ABHD6: variants seen among roughly 807,000 people sequenced by gnomAD.
ABHD6 encodes abhydrolase domain containing 6, acylglycerol lipase.
In ABHD6, 33 loss-of-function variants were observed where a neutral mutation model predicts 38.8. The observed-to-expected ratio is 0.85, with a 90% CI of 0.64 to 1.14. ABHD6 has a LOEUF of 1.14. Ranked by LOEUF, ABHD6 falls within the 50% of genes most tolerant of loss-of-function variation. ABHD6 has a pLI of 0.00. For synonymous variants in ABHD6, 147 were observed against 161.6 expected (o/e 0.91, Z 0.69); for missense variants, 380 against 422.6 (o/e 0.90, Z 0.88).
Position 58,270,982 on chromosome 3 carries a change from C to T in ABHD6, c.441C>T (p.Thr147=). Residue 147 remains threonine, a synonymous_variant, in exon 6 of 10, where the codon ACC becomes ACT. Coordinates refer to ENST00000478253, the MANE Select transcript of ABHD6 (RefSeq NM_001320126.2). The part of the protein sequence containing the change: ...LNKKPFHLVG[T]SMGGQVAGVY... Reference sequence around the variant, plus strand: ...AAAAACCTTTCCACCTGGTAGGCACCTCCATGGGTGGCCAGGTGGCTGGGG... The same window carrying T: ...AAAAACCTTTCCACCTGGTAGGCACTTCCATGGGTGGCCAGGTGGCTGGGG... 1.2e-6 allele frequency: 2 copies of T among 1,612,894 alleles called. No homozygotes were observed. The highest frequency in any genetic ancestry group is 1.7e-5 in the Admixed American group (1 of 59,590).
In ABHD6 at chr3:58,287,061, G is replaced by C. The variant is rs1159830469; in HGVS notation, c.837+1608G>C. On this transcript the variant is annotated intron_variant, in intron 9 of 9. Transcript: ENST00000478253. This position sits in a 1 kb window ranked among gnomAD's most constrained non-coding sequence, Gnocchi z 4.7. ...GGAGGCTAAGGCAGGAGGATTGCTT[G>C]AGCCCAGGAGTTTGAGACCAACCTG... 6.6e-6 allele frequency among the ~76,000 whole-genome samples: 1 copy of C among 150,892 alleles called. No homozygotes were observed. The highest frequency in any genetic ancestry group is 2.4e-5 in the African/African-American group (1 of 41,036).
At chr3:58,270,104 A>G (rs2097443753) in intron 5 of ABHD6, among the ~76,000 whole-genome samples, 1 of 152,184 alleles carries the variant, frequency 6.6e-6, no homozygotes, top group Non-Finnish European at 1.5e-5. Flanking sequence ...AATATTTTTT[A>G]GAATGCTGGA....
chr3:58,258,014 A>C (rs1212565891), intron 3 of ABHD6, among the ~76,000 whole-genome samples: 1 of 152,090 alleles, frequency 6.6e-6, no homozygotes, highest in Non-Finnish European at 1.5e-5. Context: ...ATAGTAAATT[A>C]ATATCAAAAA....
chr3:58,287,731 C>G lies in ABHD6; in HGVS notation c.837+2278C>G, dbSNP rs979651072. Among the ~76,000 whole-genome samples, 1 of 152,200 alleles carries G rather than the reference C, an allele frequency of 6.6e-6. No homozygotes were observed. The highest frequency in any genetic ancestry group is 2.4e-5 in the African/African-American group (1 of 41,438). On this transcript the variant is annotated intron_variant, in intron 9 of 9. Coordinates refer to ENST00000478253, the MANE Select transcript of ABHD6 (RefSeq NM_001320126.2). The surrounding 1 kb of genome is among the most constrained non-coding windows in gnomAD (Gnocchi z 4.7). ...CAGGGAGAGGCTGTAACCCATCTTC[C>G]TGTGGAGACAGCGCAGAAGCAAGGG...
rs1270632949 is a variant in ABHD6 at position 58,251,438 on chromosome 3, C to G, written c.-26+1496C>G. Among the ~76,000 whole-genome samples, 1 of 152,186 alleles carries G rather than the reference C, an allele frequency of 6.6e-6. No homozygotes were observed. Among genetic ancestry groups the G allele is most frequent in the Admixed American group, 6.5e-5 (1 of 15,282 alleles). ...TTATTCTTGGATTTTACTTTATACC[C>G]TGAAGACTAAGATATTGGAACTCAA... On this transcript the variant is annotated intron_variant, in intron 2 of 9. Transcript: ENST00000478253. The surrounding 1 kb of genome is among the most constrained non-coding windows in gnomAD (Gnocchi z 5.4).
At chr3:58,290,496 G>A (rs1328292049) in intron 9 of ABHD6, among the ~76,000 whole-genome samples, 6 of 135,734 alleles carry the variant, frequency 4.4e-5, no homozygotes, top group Non-Finnish European at 9.6e-5. Flanking sequence ...CCTCCCGGAC[G>A]GGGCGGCTGG....
chr3:58,272,390 C>T (rs2097445725), intron 6 of ABHD6, among the ~76,000 whole-genome samples: 1 of 152,150 alleles, frequency 6.6e-6, no homozygotes, highest in Non-Finnish European at 1.5e-5. Context: ...CTTCTACTTC[C>T]TCTGTATGAT....
Position 58,256,167 on chromosome 3 carries a change from A to T in ABHD6, c.-25-395A>T, listed in dbSNP as rs556078132. On this transcript the variant is annotated intron_variant, in intron 2 of 9. Transcript: ENST00000478253. The surrounding 1 kb of genome is among the most constrained non-coding windows in gnomAD (Gnocchi z 4.3). ...AAAAGTGAGTAGCAGATACCATTAT[A>T]CTTCACCCCTTACAACTTCAGCAAA... Among the ~76,000 whole-genome samples, 2 of 152,040 alleles carry T rather than the reference A, an allele frequency of 1.3e-5. No individual in the cohort carries two copies. Among genetic ancestry groups the T allele is most frequent in the South Asian group, 2.1e-4 (1 of 4,798 alleles).
Position 58,256,083 on chromosome 3 carries a change from A to ACACACACACACACC in ABHD6, c.-25-466_-25-465insCCACACACACACAC, listed in dbSNP as rs2097433029. On this transcript the variant is annotated intron_variant, in intron 2 of 9. Transcript: ENST00000478253. The surrounding 1 kb of genome is among the most constrained non-coding windows in gnomAD (Gnocchi z 4.3). ...CTCTCTTTTCCTCCCACCAACACAC[A>ACACACACACACACC]CACACACACACACACACACACACAC... Among the ~76,000 whole-genome samples, 1 of 77,114 alleles carries ACACACACACACACC rather than the reference A, an allele frequency of 1.3e-5. No homozygotes were observed. Among genetic ancestry groups the ACACACACACACACC allele is most frequent in the African/African-American group, 1.0e-4 (1 of 9,658 alleles). 50.6% of individuals were successfully genotyped at this position (77,114 alleles called of 152,430 possible).
rs148448423 is a variant in ABHD6, at chr3:58,257,510, G to A, written c.119+805G>A. 6.0e-4 allele frequency among the ~76,000 whole-genome samples: 92 copies of A among 152,078 alleles called. No homozygotes were observed. The highest frequency in any genetic ancestry group is 5.2e-3 in the Admixed American group (79 of 15,274). On this transcript the variant is annotated intron_variant, in intron 3 of 9. Coordinates refer to ENST00000478253, the MANE Select transcript of ABHD6 (RefSeq NM_001320126.2). The surrounding 1 kb of genome is among the most constrained non-coding windows in gnomAD (Gnocchi z 4.8). ...CCCAAGTAGCTAGGACTACAGGCAC[G>A]TGCCACCATGCCTAGCTAATTTTTA...
intron 3 of ABHD6, among the ~76,000 whole-genome samples, chr3:58,260,369 G>A (rs2097436127): frequency 6.6e-6 from 1 of 152,194 alleles, no homozygotes; most frequent in Non-Finnish European, 1.5e-5. Flanking sequence ...GGTTTGGGAA[G>A]ATGAAAATCC....
intron 7 of ABHD6, among the ~76,000 whole-genome samples, chr3:58,281,392 C>T (rs1409049983): frequency 6.6e-6 from 1 of 152,162 alleles, no homozygotes; most frequent in African/African-American, 2.4e-5. Flanking sequence ...GGGCCTGGGA[C>T]CCACCGAGCC....
chr3:58,272,212 G>A (rs1350281067), intron 6 of ABHD6, among the ~76,000 whole-genome samples: 1 of 152,120 alleles, frequency 6.6e-6, no homozygotes, highest in Non-Finnish European at 1.5e-5. Flanking sequence ...TTACCATGCA[G>A]GTCAAGATAT....
At position 58,273,460 on chromosome 3, in the gene ABHD6, G is replaced by A. The variant is rs2097446464; in HGVS notation, c.524-1198G>A. On this transcript the variant is annotated intron_variant, in intron 6 of 9. Coordinates refer to ENST00000478253, the MANE Select transcript of ABHD6 (RefSeq NM_001320126.2). The surrounding 1 kb of genome is among the most constrained non-coding windows in gnomAD (Gnocchi z 4.8). ...TTGCAGCACTATTTACGATAGCAAAGACTTGGAACTAACCCAAATGCCCAC... is the reference window on the plus strand; with the variant it reads ...TTGCAGCACTATTTACGATAGCAAAAACTTGGAACTAACCCAAATGCCCAC... Among the ~76,000 whole-genome samples the A allele has an allele frequency of 6.6e-6, 1 of 152,052 alleles. No homozygotes were observed. Among genetic ancestry groups the A allele is most frequent in the Non-Finnish European group, 1.5e-5 (1 of 68,016 alleles).
intron 1 of ABHD6, among the ~76,000 whole-genome samples, chr3:58,239,459 C>T (rs974129824): frequency 1.3e-5 from 2 of 152,202 alleles, no homozygotes; most frequent in African/African-American, 4.8e-5. Context: ...ACTGACTCTA[C>T]AGAAATTAAC....
rs1371830129 is a variant in ABHD6 at position 58,257,694 on chromosome 3, T to C, written c.119+989T>C. On this transcript the variant is annotated intron_variant, in intron 3 of 9. Transcript: ENST00000478253. This position sits in a 1 kb window ranked among gnomAD's most constrained non-coding sequence, Gnocchi z 4.8. ...ATTGGATTCTGACCCTGTGATGTCC[T>C]GACAGGTGCAGCGATGTCACTGAAA... 6.6e-6 allele frequency among the ~76,000 whole-genome samples: 1 copy of C among 152,172 alleles called. No individual in the cohort carries two copies. Among genetic ancestry groups the C allele is most frequent in the Non-Finnish European group, 1.5e-5 (1 of 68,028 alleles).
intron 9 of ABHD6, among the ~76,000 whole-genome samples, chr3:58,290,464 G>A (rs1161786445): frequency 3.4e-5 from 4 of 117,200 alleles, no homozygotes; most frequent in Non-Finnish European, 7.3e-5. Context: ...CTGGCCGGGC[G>A]GGGGGCTGAC....
intron 5 of ABHD6, among the ~76,000 whole-genome samples, chr3:58,270,201 G>A (rs186106252): frequency 6.6e-5 from 10 of 152,184 alleles, no homozygotes; most frequent in African/African-American, 2.4e-4. Flanking sequence ...CAAATGGATG[G>A]GTAGTTATAT....
chr3:58,263,557 G>A lies in ABHD6; in HGVS notation c.120-3632G>A, dbSNP rs1041338255. Among the ~76,000 whole-genome samples, 7 of 152,144 alleles carry A rather than the reference G, an allele frequency of 4.6e-5. No individual in the cohort carries two copies. Among genetic ancestry groups the A allele is most frequent in the African/African-American group, 9.7e-5 (4 of 41,428 alleles). On this transcript the variant is annotated intron_variant, in intron 3 of 9. Transcript: ENST00000478253. The surrounding 1 kb of genome is among the most constrained non-coding windows in gnomAD (Gnocchi z 4.9). ...AATTCCTGAATCCGGCAGTCTGGCC[G>A]CCTTCCAACCCTGTGTCTCTTCATT...
Sources: allele counts gnomAD v4.1 joint callset (sites outside exome capture counted in the v4.1 genomes callset), GRCh38; gene constraint gnomAD v4.1.1; non-coding constraint Gnocchi (gnomAD v3.1); transcripts MANE v1.5; gene names NCBI Gene and HGNC (gene_info 2026-07-23, HGNC 2026-07-21).